Variants in RYR2 observed in about 807,000 individuals in gnomAD.
RYR2 encodes cardiac muscle ryanodine receptor-calcium release channel.
A neutral mutation model predicts 601.1 loss-of-function variants in RYR2; 227 were observed. That is an observed-to-expected ratio of 0.38 (90% CI 0.34 to 0.42). The LOEUF (loss-of-function observed/expected upper bound fraction) is 0.42, where lower values mean the gene tolerates loss of function less well. Among genes scored for constraint, RYR2 ranks in the 10% least tolerant of loss-of-function variants. The pLI, the probability that RYR2 is intolerant of heterozygous loss-of-function variation, is 1.00. For missense variants in RYR2, 4,646 were observed against 6,156.5 expected (o/e 0.75, Z 8.21); for synonymous variants, 2,223 against 2,175.1 (o/e 1.02, Z -0.61).
chr1:237,809,528 T>C (rs534203883), intron 100 of RYR2, among the ~76,000 whole-genome samples: 1 of 152,332 alleles, frequency 6.6e-6, no homozygotes, highest in East Asian at 1.9e-4. Flanking sequence ...AAAGCTTTCA[T>C]ATTGCTTTAT....
chr1:237,172,675 C>T (rs537269676), intron 1 of RYR2, among the ~76,000 whole-genome samples: 1 of 152,132 alleles, frequency 6.6e-6, no homozygotes, highest in East Asian at 1.9e-4. Flanking sequence ...CTGGCAAAAC[C>T]GGAGTTTTAT....
At chr1:237,378,762 C>T (rs1428604902) in intron 8 of RYR2, among the ~76,000 whole-genome samples, 1 of 152,196 alleles carries the variant, frequency 6.6e-6, no homozygotes, top group Non-Finnish European at 1.5e-5. Context: ...TTTACCAATA[C>T]ATTTAATTCC....
intron 17 of RYR2, among the ~76,000 whole-genome samples, chr1:237,470,936 G>T (rs1344485351): frequency 6.6e-6 from 1 of 152,062 alleles, no homozygotes; most frequent in Non-Finnish European, 1.5e-5. Flanking sequence ...GACAGAGAGA[G>T]ATCACGATTG....
intron 1 of RYR2, among the ~76,000 whole-genome samples, chr1:237,154,978 G>GTA (rs1196733580): frequency 6.6e-6 from 1 of 151,992 alleles, no homozygotes; most frequent in Non-Finnish European, 1.5e-5. Context: ...TTCTACTCTT[G>GTA]TACTAAGCTT....
chr1:237,056,642 G>GCA (rs1416714484), intron 1 of RYR2, among the ~76,000 whole-genome samples: 1 of 145,732 alleles, frequency 6.9e-6, no homozygotes, highest in African/African-American at 2.6e-5. Context: ...GAGGACTGGA[G>GCA]TACTGCAGCT....
At chr1:237,098,994 G>T (rs1477994849) in intron 1 of RYR2, among the ~76,000 whole-genome samples, 3 of 152,082 alleles carry the variant, frequency 2.0e-5, no homozygotes, top group East Asian at 3.9e-4. Flanking sequence ...CAATGAGGAG[G>T]GCTCAGACAA....
chr1:237,231,078 C>T (rs1039509849), intron 1 of RYR2, among the ~76,000 whole-genome samples: 1 of 151,866 alleles, frequency 6.6e-6, no homozygotes, highest in African/African-American at 2.4e-5. Flanking sequence ...TTTCTGTAGC[C>T]GATTGAATTG....
chr1:237,176,583 T>TAA (rs199922485), intron 1 of RYR2, among the ~76,000 whole-genome samples: 2 of 151,874 alleles, frequency 1.3e-5, no homozygotes, highest in Admixed American at 6.6e-5. Flanking sequence ...TTTATTTTTT[T>TAA]AAAAAACACC....
chr1:237,209,255 C>A (rs1282913554), intron 1 of RYR2, among the ~76,000 whole-genome samples: 1 of 150,950 alleles, frequency 6.6e-6, no homozygotes, highest in Non-Finnish European at 1.5e-5. Context: ...AAAAGACATG[C>A]ATTATATGAA....
chr1:237,281,735 A>C (rs1288612496), intron 2 of RYR2, among the ~76,000 whole-genome samples: 1 of 152,236 alleles, frequency 6.6e-6, no homozygotes, highest in African/African-American at 2.4e-5. Context: ...CTTAGTTCTC[A>C]CAAATACAAT....
intron 16 of RYR2, among the ~76,000 whole-genome samples, chr1:237,463,136 T>G (rs1376191751): frequency 2.0e-5 from 3 of 152,210 alleles, no homozygotes; most frequent in Admixed American, 6.5e-5. Flanking sequence ...ATCTACTTGT[T>G]AATCTCAATA....
In RYR2 at chr1:237,803,819, C is replaced by T. The variant is rs548241300; in HGVS notation, c.14151+1903C>T. Among the ~76,000 whole-genome samples the T allele has an allele frequency of 7.2e-5, 11 of 152,268 alleles. No individual in the cohort carries two copies. The South Asian group carries it at 2.3e-3, about 32-fold the overall frequency. ...GCATGTATTTGATTATTTGCTGAAT[C>T]TTGGTCCTGTTTGTGTCCTCTGTAA... On this transcript the variant is annotated intron_variant, in intron 98 of 104. Transcript: ENST00000366574.
Position 237,346,337 on chromosome 1 carries a change from C to T in RYR2, c.274-9628C>T, listed in dbSNP as rs531326545. Among the ~76,000 whole-genome samples the T allele has an allele frequency of 1.3e-4, 19 of 142,946 alleles. No individual in the cohort carries two copies. The South Asian group carries it at 3.4e-3, about 26-fold the overall frequency. The allele number at this position is 142,946 out of a possible 152,430, so 93.8% of individuals were successfully genotyped here. On this transcript the variant is annotated intron_variant, in intron 3 of 104. Coordinates refer to ENST00000366574, the MANE Select transcript of RYR2 (RefSeq NM_001035.3). ...TGAGTGCTACTACTGCCACTATACT[C>T]CGGCCTGGGCAAAGTGAGAGGGTCT...
chr1:237,201,693 G>A (rs1467830570), intron 1 of RYR2, among the ~76,000 whole-genome samples: 1 of 152,082 alleles, frequency 6.6e-6, no homozygotes, highest in Non-Finnish European at 1.5e-5. Flanking sequence ...CTTTCTGGGT[G>A]GAATTTTCAC....
At chr1:237,328,386 A>G (rs1050145249) in intron 2 of RYR2, among the ~76,000 whole-genome samples, 3 of 152,028 alleles carry the variant, frequency 2.0e-5, no homozygotes, top group African/African-American at 4.8e-5. Flanking sequence ...AGAGTAGAAG[A>G]GAGTCCTTTT....
rs148100513 is a variant in RYR2, at chr1:237,098,633, G to A, written c.48+56064G>A. ...GAAATCTGTCATTTGTGACAATGTG[G>A]GTAAACATGGTGGACATGATGCTAA... On this transcript the variant is annotated intron_variant, in intron 1 of 104. Transcript: ENST00000366574. 4.1e-3 allele frequency among the ~76,000 whole-genome samples: 626 copies of A among 152,188 alleles called. 3 individuals carry two copies. Among genetic ancestry groups the A allele is most frequent in the Middle Eastern group, 0.01 (3 of 294 alleles).
intron 25 of RYR2, among the ~76,000 whole-genome samples, chr1:237,540,715 T>TAAAAAAAAAAAA (rs61711260): frequency 7.7e-6 from 1 of 130,402 alleles, no homozygotes; most frequent in African/African-American, 2.8e-5. Flanking sequence ...TTCAAAATAT[T>TAAAAAAAAAAAA]AAAAAAAAAA....
At chr1:237,452,342 A>G (rs1658281798) in intron 14 of RYR2, among the ~76,000 whole-genome samples, 2 of 146,622 alleles carry the variant, frequency 1.4e-5, no homozygotes, top group African/African-American at 2.5e-5. Flanking sequence ...ACATAATAGT[A>G]TAATTAACAA....
intron 10 of RYR2, among the ~76,000 whole-genome samples, chr1:237,414,531 T>C (rs535545566): frequency 2.0e-5 from 3 of 152,310 alleles, no homozygotes; most frequent in East Asian, 1.9e-4. Flanking sequence ...ATACGATATA[T>C]GGCACAAAAT....
Sources: gnomAD v4.1 joint callset for allele counts (sites outside exome capture counted in the v4.1 genomes callset) on GRCh38, gnomAD v4.1.1 for gene constraint, MANE v1.5 for transcripts, NCBI Gene and HGNC (gene_info 2026-07-23, HGNC 2026-07-21) for gene names.